OR2L13: variants seen among roughly 807,000 people sequenced by gnomAD.
OR2L13 encodes the protein olfactory receptor 2L13.
Under a neutral mutation model 15.3 loss-of-function variants are expected in OR2L13, and 14 were observed. The observed-to-expected ratio is 0.91, with a 90% CI of 0.60 to 1.43. The LOEUF (loss-of-function observed/expected upper bound fraction) is 1.43. Among genes scored for constraint, OR2L13 ranks in the 40% most tolerant of loss-of-function variants. The probability of loss-of-function intolerance (pLI) is 0.00; values close to 1 mark genes in which losing one functional copy is unlikely to be tolerated. For missense variants in OR2L13, 367 were observed against 387.9 expected (o/e 0.95, Z 0.45); for synonymous variants, 152 against 142.9 (o/e 1.06, Z -0.45).
At chr1:248,010,232 C>A in the OR2L13 span, among the ~76,000 whole-genome samples, 1 of 152,088 alleles carries the variant, frequency 6.6e-6, no homozygotes, top group Non-Finnish European at 1.5e-5. Context: ...AATTATCTCT[C>A]TTTGCAGATG....
chr1:247,989,139 G>T, the OR2L13 span, among the ~76,000 whole-genome samples: 1 of 152,122 alleles, frequency 6.6e-6, no homozygotes, highest in Non-Finnish European at 1.5e-5. Context: ...GATGGTGGTA[G>T]ACATTAAAAA....
the OR2L13 span, among the ~76,000 whole-genome samples, chr1:247,975,921 A>G: frequency 2.0e-5 from 3 of 152,142 alleles, no homozygotes; most frequent in South Asian, 2.1e-4. Context: ...AATTAAAATA[A>G]TAAATGTTCA....
At chr1:247,965,845 T>C in the OR2L13 span, 1 of 1,613,616 alleles carries the variant, frequency 6.2e-7, no homozygotes, top group South Asian at 1.1e-5. Flanking sequence ...TATCAATGCT[T>C]TCATACATAC....
the OR2L13 span, chr1:248,022,996 C>A: frequency 2.0e-6 from 2 of 1,009,020 alleles, no homozygotes; most frequent in Admixed American, 5.3e-5. Context: ...GAGATTAATC[C>A]AGAATGTTTG....
chr1:247,986,747 T>A, the OR2L13 span, among the ~76,000 whole-genome samples: 1 of 152,256 alleles, frequency 6.6e-6, no homozygotes, highest in Non-Finnish European at 1.5e-5. Context: ...CCCATGAGCA[T>A]GGAATGTTCT....
chr1:248,048,988 A>T, the OR2L13 span, among the ~76,000 whole-genome samples: 1 of 150,182 alleles, frequency 6.7e-6, no homozygotes, highest in Non-Finnish European at 1.5e-5. Flanking sequence ...ACCAACTTTA[A>T]GGAGACCAGC....
At chr1:248,083,412 T>C in the OR2L13 span, 20 of 480,994 alleles carry the variant, frequency 4.2e-5, no homozygotes, top group Non-Finnish European at 6.3e-5. Context: ...GGGGTTGTTT[T>C]AGGATACAAA....
At chr1:247,971,948 A>T in the OR2L13 span, among the ~76,000 whole-genome samples, 1 of 152,152 alleles carries the variant, frequency 6.6e-6, no homozygotes, top group South Asian at 2.1e-4. Context: ...TCAAATTAGA[A>T]CTCAGGGTTA....
chr1:248,023,924 T>G, the OR2L13 span: 2 of 152,214 alleles, frequency 1.3e-5, no homozygotes, highest in Non-Finnish European at 2.9e-5. Flanking sequence ...TCTGTTGCTC[T>G]CAAATAGAAT....
chr1:247,998,859 A>G, the OR2L13 span, among the ~76,000 whole-genome samples: 1 of 152,148 alleles, frequency 6.6e-6, no homozygotes, highest in African/African-American at 2.4e-5. Flanking sequence ...TTTCAGTGAA[A>G]TAATAGAAAT....
chr1:247,948,646 C>T, the OR2L13 span, among the ~76,000 whole-genome samples: 2 of 152,168 alleles, frequency 1.3e-5, no homozygotes, highest in Non-Finnish European at 2.9e-5. Context: ...TTATCAGTTA[C>T]TCTTGTTAAT....
the OR2L13 span, among the ~76,000 whole-genome samples, chr1:248,068,062 G>A: frequency 2.0e-5 from 3 of 151,404 alleles, no homozygotes; most frequent in Admixed American, 2.0e-4. Context: ...CCACCTCTGG[G>A]GGCAGGGCAC....
chr1:248,063,218 T>C, the OR2L13 span: 1 of 152,370 alleles, frequency 6.6e-6, no homozygotes, highest in African/African-American at 2.4e-5. Context: ...TCCATGAGCA[T>C]TGGATTTCTT....
At chr1:247,957,883 CA>C in the OR2L13 span, among the ~76,000 whole-genome samples, 2 of 152,016 alleles carry the variant, frequency 1.3e-5, no homozygotes, top group East Asian at 3.9e-4. Context: ...TTGATCTTTT[CA>C]AAAAACCAGC....
chr1:247,966,945 A>C, the OR2L13 span, among the ~76,000 whole-genome samples: 1 of 152,160 alleles, frequency 6.6e-6, no homozygotes, highest in South Asian at 2.1e-4. Flanking sequence ...AGGTGGCAGT[A>C]GAAAAGAGAG....
chr1:248,038,852 G>C, the OR2L13 span: 1 of 1,614,152 alleles, frequency 6.2e-7, no homozygotes, highest in Non-Finnish European at 8.5e-7. Flanking sequence ...GGGTCTATGA[G>C]AGCACAGTGT....
At chr1:247,975,229 A>T in the OR2L13 span, 1 of 407,722 alleles carries the variant, frequency 2.5e-6, no homozygotes, top group Non-Finnish European at 5.0e-6. Context: ...TATATGCCCC[A>T]TATCCCTGTT....
At chr1:247,947,848 G>A in the OR2L13 span, among the ~76,000 whole-genome samples, 9 of 152,168 alleles carry the variant, frequency 5.9e-5, no homozygotes, top group African/African-American at 2.2e-4. Context: ...GTTTGACTTG[G>A]CATTATTGCA....
the OR2L13 span, chr1:248,062,254 A>G: frequency 6.6e-6 from 1 of 152,276 alleles, no homozygotes. Flanking sequence ...GGTATATTTT[A>G]GATCAACAAA....
Sources: gnomAD v4.1 joint callset for allele counts (sites outside exome capture counted in the v4.1 genomes callset) on GRCh38, gnomAD v4.1.1 for gene constraint, MANE v1.5 for transcripts, NCBI Gene and HGNC (gene_info 2026-07-23, HGNC 2026-07-21) for gene names.